Variants in PEX14 observed in about 807,000 individuals in gnomAD.
The protein encoded by PEX14 is peroxisomal biogenesis factor 14.
A neutral mutation model predicts 49.5 loss-of-function variants in PEX14; 15 were observed. The observed-to-expected ratio is 0.30, with a 90% CI of 0.20 to 0.47. PEX14 has a LOEUF of 0.47. Among genes scored for constraint, PEX14 ranks in the 20% least tolerant of loss-of-function variants. The pLI is 1.00. For synonymous variants in PEX14, 210 were observed against 212.7 expected, an observed-to-expected ratio of 0.99 and a Z score of 0.11; for missense variants, 398 against 494.8, an observed-to-expected ratio of 0.80 and a Z score of 1.86.
At chr1:10,477,667 A>G (rs868597973) in intron 1 of PEX14, among the ~76,000 whole-genome samples, 3 of 152,300 alleles carry the variant, frequency 2.0e-5, no homozygotes, top group Middle Eastern at 3.4e-3. Context: ...TTAAAGGTGA[A>G]TAACCTTCTC....
At chr1:10,596,392 G>A (rs1043519931) in intron 3 of PEX14, among the ~76,000 whole-genome samples, 11 of 152,222 alleles carry the variant, frequency 7.2e-5, no homozygotes. Flanking sequence ...ACAGATAGGA[G>A]CCAGGGGTTA....
At chr1:10,531,006 C>T (rs1638633816) in intron 2 of PEX14, among the ~76,000 whole-genome samples, 1 of 152,142 alleles carries the variant, frequency 6.6e-6, no homozygotes, top group Non-Finnish European at 1.5e-5. Flanking sequence ...GCTTCCTTCC[C>T]TCCCCAGCCT....
At chr1:10,518,386 A>T (rs1436334917) in intron 2 of PEX14, among the ~76,000 whole-genome samples, 1 of 152,030 alleles carries the variant, frequency 6.6e-6, no homozygotes, top group Non-Finnish European at 1.5e-5. Context: ...GCCAGGGGGA[A>T]CCTCCTCTCT....
intron 1 of PEX14, among the ~76,000 whole-genome samples, chr1:10,481,994 T>G (rs1023021644): frequency 2.0e-5 from 3 of 151,758 alleles, no homozygotes; most frequent in Non-Finnish European, 2.9e-5. Flanking sequence ...GCTAATTATT[T>G]TTGTATTTTT....
intron 3 of PEX14, among the ~76,000 whole-genome samples, chr1:10,577,546 A>G (rs1640164384): frequency 1.3e-4 from 1 of 7,554 alleles, no homozygotes; most frequent in Non-Finnish European, 3.6e-4. Flanking sequence ...ATATATATAT[A>G]TATATATATA....
chr1:10,565,392 C>T (rs1424307366), intron 3 of PEX14, among the ~76,000 whole-genome samples: 1 of 150,584 alleles, frequency 6.6e-6, no homozygotes, highest in Non-Finnish European at 1.5e-5. Flanking sequence ...CTGGTCAATC[C>T]ATGTTCCTAG....
chr1:10,583,531 T>A (rs1640391658), intron 3 of PEX14, among the ~76,000 whole-genome samples: 1 of 152,122 alleles, frequency 6.6e-6, no homozygotes, highest in South Asian at 2.1e-4. Context: ...TTTTTACACA[T>A]TTTTATTGAA....
At chr1:10,483,513 C>G (rs1218303386) in intron 1 of PEX14, among the ~76,000 whole-genome samples, 1 of 151,954 alleles carries the variant, frequency 6.6e-6, no homozygotes, top group African/African-American at 2.4e-5. Context: ...GACGGGGTTT[C>G]ACTATGTTGG....
intron 2 of PEX14, among the ~76,000 whole-genome samples, chr1:10,506,573 G>T (rs1373335652): frequency 6.6e-6 from 1 of 152,206 alleles, no homozygotes; most frequent in East Asian, 1.9e-4. Flanking sequence ...CACCACGCCT[G>T]GCTATAATGT....
intron 2 of PEX14, among the ~76,000 whole-genome samples, chr1:10,520,158 T>TTTTTTTTTTTTTTTTG: frequency 1.0e-5 from 1 of 98,256 alleles, no homozygotes; most frequent in Non-Finnish European, 2.3e-5. Context: ...CTTTTTTTTT[T>TTTTTTTTTTTTTTTTG]TTTTGTTTTT....
intron 3 of PEX14, among the ~76,000 whole-genome samples, chr1:10,559,445 A>G (rs146829446): frequency 9.5e-4 from 144 of 152,280 alleles, no homozygotes; most frequent in South Asian, 5.8e-3. Flanking sequence ...CATTATTTCT[A>G]TTTTGTCAAG....
chr1:10,487,641 C>T (rs1278066124), intron 1 of PEX14, among the ~76,000 whole-genome samples: 4 of 151,858 alleles, frequency 2.6e-5, no homozygotes, highest in East Asian at 3.9e-4. Flanking sequence ...TGCGCCACCA[C>T]ACCAAGCTAA....
chr1:10,495,300 T>G lies in PEX14; in HGVS notation c.63T>G (p.Asn21Lys). Residue 21 changes from asparagine (N) to lysine (K), a missense_variant, in exon 2 of 9, where the codon AAT becomes AAG. By Grantham distance (94) the Asn-to-Lys change is moderately conservative. Transcript: ENST00000356607. This position sits in a 1 kb window ranked among gnomAD's most constrained non-coding sequence, Gnocchi z 4.2. ...SQPSSTPGSE[N>K]VLPREPLIAT... ...CAAGCTCTACTCCAGGAAGTGAAAA[T>G]GTGCTGCCTCGAGAGCCGCTGGTAA... 1.2e-6 allele frequency: 2 copies of G among 1,614,042 alleles called. No homozygotes were observed. Among genetic ancestry groups the G allele is most frequent in the Non-Finnish European group, 1.7e-6 (2 of 1,179,952 alleles).
intron 2 of PEX14, among the ~76,000 whole-genome samples, chr1:10,524,202 A>AAG (rs1161773603): frequency 2.0e-5 from 3 of 151,832 alleles, no homozygotes; most frequent in Admixed American, 6.6e-5. Flanking sequence ...AACAGGCAAG[A>AAG]AGAGAGAGAG....
intron 2 of PEX14, among the ~76,000 whole-genome samples, chr1:10,521,698 T>C (rs1638298597): frequency 6.6e-6 from 1 of 152,210 alleles, no homozygotes; most frequent in Admixed American, 6.5e-5. Context: ...ATTACCACCT[T>C]ATGGGTGTTG....
intron 2 of PEX14, among the ~76,000 whole-genome samples, chr1:10,501,130 C>T (rs1403271305): frequency 4.6e-5 from 7 of 151,982 alleles, no homozygotes; most frequent in South Asian, 2.1e-4. Flanking sequence ...AAGTATTAAA[C>T]GTAATTATTT....
intron 3 of PEX14, among the ~76,000 whole-genome samples, chr1:10,559,535 AG>A (rs1639587400): frequency 6.6e-6 from 1 of 152,174 alleles, no homozygotes; most frequent in African/African-American, 2.4e-5. Context: ...TGTGAGACAA[AG>A]CCACTGCCTG....
intron 3 of PEX14, among the ~76,000 whole-genome samples, chr1:10,537,986 T>C (rs1389611849): frequency 6.6e-6 from 1 of 152,190 alleles, no homozygotes; most frequent in Non-Finnish European, 1.5e-5. Flanking sequence ...ATCCAACTGA[T>C]CAATTCATCC....
At chr1:10,562,254 C>A (rs914898885) in intron 3 of PEX14, among the ~76,000 whole-genome samples, 8 of 152,186 alleles carry the variant, frequency 5.3e-5, no homozygotes, top group Admixed American at 3.9e-4. Flanking sequence ...CCACCCCCAA[C>A]ACATGTGTAT....
Sources: allele counts gnomAD v4.1 joint callset (sites outside exome capture counted in the v4.1 genomes callset), GRCh38; gene constraint gnomAD v4.1.1; non-coding constraint Gnocchi (gnomAD v3.1); transcripts MANE v1.5; gene names NCBI Gene and HGNC (gene_info 2026-07-23, HGNC 2026-07-21).